The following CEP112 variants were observed in gnomAD, a reference collection of about 807,000 sequenced individuals.
CEP112 encodes the protein centrosomal protein of 112 kDa.
In CEP112, 127 loss-of-function variants were observed where a neutral mutation model predicts 153.0. The ratio of observed to expected loss-of-function variants is 0.83; its 90% CI spans 0.72 to 0.96. CEP112 has a LOEUF of 0.96. Among genes scored for constraint, CEP112 ranks in the 40% least tolerant of loss-of-function variants. The probability of loss-of-function intolerance (pLI) is 0.00; values close to 1 mark genes in which losing one functional copy is unlikely to be tolerated. For missense variants in CEP112, 1,089 were observed against 1,101.2 expected (o/e 0.99, Z 0.16); for synonymous variants, 358 against 374.4 (o/e 0.96, Z 0.51).
chr17:65,644,835 C>A (rs2045348002), intron 24 of CEP112, among the ~76,000 whole-genome samples: 1 of 152,114 alleles, frequency 6.6e-6, no homozygotes. Context: ...ATTACTTGAG[C>A]CCCTCAGAAC....
chr17:65,692,274 G>T (rs1408005028), intron 23 of CEP112, among the ~76,000 whole-genome samples: 9 of 148,398 alleles, frequency 6.1e-5, no homozygotes, highest in Admixed American at 2.0e-4. Context: ...TGTCACCCAG[G>T]CTGGAGTGCA....
intron 24 of CEP112, among the ~76,000 whole-genome samples, chr17:65,648,741 G>A (rs1241521830): frequency 6.6e-6 from 1 of 152,136 alleles, no homozygotes. Flanking sequence ...CATATTTTAT[G>A]ATGTTTTTAT....
chr17:65,900,287 C>A (rs1366047939), intron 20 of CEP112, among the ~76,000 whole-genome samples: 1 of 152,072 alleles, frequency 6.6e-6, no homozygotes, highest in Non-Finnish European at 1.5e-5. Flanking sequence ...ACAGCAATTC[C>A]AATTAGTAAA....
intron 6 of CEP112, among the ~76,000 whole-genome samples, chr17:66,106,419 G>C (rs1372477404): frequency 6.6e-6 from 1 of 151,994 alleles, no homozygotes; most frequent in Non-Finnish European, 1.5e-5. Flanking sequence ...AGGAAAAAAA[G>C]AGAGAAGATT....
intron 21 of CEP112, among the ~76,000 whole-genome samples, chr17:65,829,457 A>G (rs932525935): frequency 6.6e-6 from 1 of 152,068 alleles, no homozygotes; most frequent in Non-Finnish European, 1.5e-5. Context: ...AGCTCATTCT[A>G]TTGTCCTCCC....
chr17:65,921,112 T>C (rs1017977342), intron 19 of CEP112, among the ~76,000 whole-genome samples: 3 of 152,116 alleles, frequency 2.0e-5, no homozygotes, highest in African/African-American at 7.2e-5. Context: ...GATGGCCCTT[T>C]GAACTATCAC....
At chr17:65,682,303 T>C (rs754254605) in intron 24 of CEP112, among the ~76,000 whole-genome samples, 24 of 152,182 alleles carry the variant, frequency 1.6e-4, no homozygotes, top group Admixed American at 6.5e-4. Context: ...GAATTTTTGC[T>C]TTTAAATGCA....
chr17:65,792,736 C>A (rs2054662449), intron 21 of CEP112, among the ~76,000 whole-genome samples: 1 of 152,034 alleles, frequency 6.6e-6, no homozygotes, highest in Non-Finnish European at 1.5e-5. Context: ...GCACATGTAC[C>A]CCTGAACTTA....
At chr17:66,059,265 C>T (rs2066827411) in intron 11 of CEP112, among the ~76,000 whole-genome samples, 1 of 151,922 alleles carries the variant, frequency 6.6e-6, no homozygotes. Context: ...GATTAAATCC[C>T]CAAAAGCAAT....
intron 20 of CEP112, among the ~76,000 whole-genome samples, chr17:65,878,506 A>G (rs1261014382): frequency 2.0e-5 from 3 of 152,174 alleles, no homozygotes; most frequent in Non-Finnish European, 4.4e-5. Context: ...AAGACAAAAA[A>G]TGGGACAGGC....
At chr17:65,814,076 G>C (rs575752879) in intron 21 of CEP112, among the ~76,000 whole-genome samples, 1 of 152,288 alleles carries the variant, frequency 6.6e-6, no homozygotes, top group East Asian at 1.9e-4. Flanking sequence ...ATAGAAAAGA[G>C]ATGAGAAGAC....
At chr17:65,980,758 C>T (rs1345141659) in intron 17 of CEP112, among the ~76,000 whole-genome samples, 1 of 152,050 alleles carries the variant, frequency 6.6e-6, no homozygotes, top group Non-Finnish European at 1.5e-5. Context: ...TCTGTTCCAG[C>T]TGGCTCATCT....
At chr17:66,121,211 A>G (rs1007902063) in intron 6 of CEP112, among the ~76,000 whole-genome samples, 1 of 151,874 alleles carries the variant, frequency 6.6e-6, no homozygotes, top group Admixed American at 6.6e-5. Flanking sequence ...GGGAGGCAGA[A>G]GTTGCGGTAA....
chr17:66,038,581 AAG>A (rs1316488538), intron 12 of CEP112, among the ~76,000 whole-genome samples: 1 of 152,238 alleles, frequency 6.6e-6, no homozygotes, highest in Admixed American at 6.5e-5. Context: ...AGTCAAGAAA[AAG>A]AATGCTGATG....
intron 19 of CEP112, among the ~76,000 whole-genome samples, chr17:65,906,659 T>C (rs983483164): frequency 6.6e-5 from 10 of 152,094 alleles, no homozygotes; most frequent in Admixed American, 3.9e-4. Context: ...TCAGAAAAAA[T>C]AGTATAAACA....
intron 16 of CEP112, among the ~76,000 whole-genome samples, chr17:66,017,708 A>G (rs1351165698): frequency 6.6e-6 from 1 of 152,070 alleles, no homozygotes. Flanking sequence ...TAAAAAAAAA[A>G]TCCTTGTTTG....
intron 6 of CEP112, among the ~76,000 whole-genome samples, chr17:66,108,598 A>G (rs2068885222): frequency 6.6e-6 from 1 of 152,230 alleles, no homozygotes; most frequent in South Asian, 2.1e-4. Flanking sequence ...GCTTCTATCC[A>G]AAAGACAGGC....
intron 18 of CEP112, among the ~76,000 whole-genome samples, chr17:65,954,897 T>C (rs2061952813): frequency 6.6e-6 from 1 of 152,198 alleles, no homozygotes; most frequent in Admixed American, 6.5e-5. Flanking sequence ...ATAATTGGTG[T>C]TCCTGAGGAA....
intron 5 of CEP112, 71 bp downstream of exon 5, chr17:66,132,599 G>T: frequency 9.4e-7 from 1 of 1,066,646 alleles, no homozygotes. Context: ...TTCAACAAAT[G>T]AAATTAAAAC....
Sources: allele counts gnomAD v4.1 joint callset (sites outside exome capture counted in the v4.1 genomes callset), GRCh38; gene constraint gnomAD v4.1.1; transcripts MANE v1.5; gene names NCBI Gene and HGNC (gene_info 2026-07-23, HGNC 2026-07-21).